ASNS: variants seen among roughly 807,000 people sequenced by gnomAD.
ASNS encodes the protein asparagine synthetase [glutamine-hydrolyzing].
ASNS carries 37 observed loss-of-function variants against 62.6 expected under a neutral mutation model. The observed-to-expected ratio is 0.59, with a 90% CI of 0.45 to 0.78. The LOEUF is 0.78. Among genes scored for constraint, ASNS ranks in the 30% least tolerant of loss-of-function variants. The pLI is 0.00. For missense variants in ASNS, 520 were observed against 682.4 expected (o/e 0.76, Z 2.65); for synonymous variants, 207 against 237.9 (o/e 0.87, Z 1.19).
At chr7:97,899,602 C>T in the ASNS span, among the ~76,000 whole-genome samples, 1 of 152,174 alleles carries the variant, frequency 6.6e-6, no homozygotes, top group Non-Finnish European at 1.5e-5. Flanking sequence ...TAGCTAACAC[C>T]CCCATCCTCC....
intron 1 of ASNS, chr7:97,870,313 A>G: frequency 2.0e-6 from 1 of 488,524 alleles, no homozygotes; most frequent in Non-Finnish European, 3.6e-6. Flanking sequence ...TTTAATTAAA[A>G]CATCTCTAAC....
intron 3 of ASNS, among the ~76,000 whole-genome samples, chr7:97,867,153 C>CA (rs1344666560): frequency 0.054 from 3 of 56 alleles, no homozygotes; most frequent in African/African-American, 0.19. Context: ...GACTTGGCTG[C>CA]AGGCCCTGAT....
At chr7:97,928,391 G>A in the ASNS span, 5 of 662,098 alleles carry the variant, frequency 7.6e-6, no homozygotes, top group Non-Finnish European at 9.6e-6. Context: ...CGGGCTCGGA[G>A]GGTCCGCGCG....
At chr7:97,922,887 G>A in the ASNS span, among the ~76,000 whole-genome samples, 15 of 152,074 alleles carry the variant, frequency 9.9e-5, no homozygotes, top group African/African-American at 3.4e-4. Flanking sequence ...TGTCTCCCAG[G>A]TTCAAATGAT....
the ASNS span, among the ~76,000 whole-genome samples, chr7:97,920,264 A>G: frequency 6.6e-6 from 1 of 152,108 alleles, no homozygotes; most frequent in Non-Finnish European, 1.5e-5. Context: ...TTGGCCTCTC[A>G]AAGTGCTGGG....
the ASNS span, among the ~76,000 whole-genome samples, chr7:97,918,666 G>T: frequency 5.9e-5 from 9 of 152,308 alleles, no homozygotes; most frequent in East Asian, 1.7e-3. Context: ...GAGGAAAAAG[G>T]TGTGGACAGG....
intron 3 of ASNS, among the ~76,000 whole-genome samples, chr7:97,866,538 A>C (rs1237140014): frequency 6.6e-6 from 1 of 152,248 alleles, no homozygotes; most frequent in East Asian, 1.9e-4. Context: ...TTAATGGCAA[A>C]CTATGAGGAT....
the ASNS span, among the ~76,000 whole-genome samples, chr7:97,927,071 CTTTTTTTTTTTTTT>C: frequency 5.4e-3 from 220 of 40,544 alleles, 3 homozygotes; most frequent in African/African-American, 0.015. Flanking sequence ...CCACACCTGG[CTTTTTTTTTTTTTT>C]TTTTTTTTTT....
chr7:97,881,836 G>A, the ASNS span, among the ~76,000 whole-genome samples: 1 of 152,122 alleles, frequency 6.6e-6, no homozygotes, highest in African/African-American at 2.4e-5. Context: ...CAGGGGTGGG[G>A]ATGAGGGATG....
In ASNS at chr7:97,859,418, C is replaced by A. The variant is rs1359199693; in HGVS notation, c.488-20G>T. 6.3e-7 allele frequency: 1 copy of A among 1,577,290 alleles called. No individual in the cohort carries two copies. On this transcript the variant is annotated intron_variant, in intron 4 of 12. Transcript: ENST00000394308. ...CAAGACCTAGAAATTCACAATGATACCTTTATTCAAATTAGGTAACCCTTC... is the reference window on the plus strand; with the variant it reads ...CAAGACCTAGAAATTCACAATGATAACTTTATTCAAATTAGGTAACCCTTC...
At chr7:97,925,101 C>T in the ASNS span, among the ~76,000 whole-genome samples, 1 of 152,168 alleles carries the variant, frequency 6.6e-6, no homozygotes, top group Admixed American at 6.5e-5. Context: ...CATGCCACTG[C>T]ACTCCAGCCT....
At chr7:97,903,771 A>C in the ASNS span, among the ~76,000 whole-genome samples, 1 of 152,248 alleles carries the variant, frequency 6.6e-6, no homozygotes, top group African/African-American at 2.4e-5. Flanking sequence ...AGAAAAATAT[A>C]ACTTAATTAT....
the ASNS span, among the ~76,000 whole-genome samples, chr7:97,917,204 A>G: frequency 8.0e-6 from 1 of 125,060 alleles, no homozygotes. Flanking sequence ...ATTGCATGGG[A>G]TATATTTGCA....
chr7:97,876,057 A>T (rs1309888490), upstream of ASNS, among the ~76,000 whole-genome samples: 1 of 152,114 alleles, frequency 6.6e-6, no homozygotes, highest in African/African-American at 2.4e-5. Context: ...GGGTTTCACC[A>T]TGTTGGCCTG....
the ASNS span, among the ~76,000 whole-genome samples, chr7:97,896,733 C>CAT: frequency 3.8e-5 from 1 of 26,262 alleles, no homozygotes; most frequent in South Asian, 1.7e-3. Flanking sequence ...CACACACACA[C>CAT]ACACACACAT....
intron 5 of ASNS, 23 bp downstream of exon 5, chr7:97,859,190 A>G (rs1791598520): frequency 1.3e-6 from 2 of 1,587,324 alleles, no homozygotes; most frequent in African/African-American, 2.7e-5. Context: ...AGGATGGGGA[A>G]TAGGTGGGTG....
the ASNS span, among the ~76,000 whole-genome samples, chr7:97,902,980 G>A: frequency 6.6e-6 from 1 of 152,098 alleles, no homozygotes; most frequent in African/African-American, 2.4e-5. Flanking sequence ...TCTACTTGGG[G>A]GGAGTTGTGT....
At chr7:97,890,676 G>T in the ASNS span, among the ~76,000 whole-genome samples, 1 of 152,142 alleles carries the variant, frequency 6.6e-6, no homozygotes, top group African/African-American at 2.4e-5. Context: ...GATCCCAGGA[G>T]TTCAAGGCTG....
At chr7:97,885,920 C>T in the ASNS span, 429 of 565,136 alleles carry the variant, frequency 7.6e-4, 3 homozygotes, top group Admixed American at 9.0e-3. Flanking sequence ...ATGATGGGCT[C>T]TCCTCCTCCT....
Sources: gnomAD v4.1 joint callset for allele counts (sites outside exome capture counted in the v4.1 genomes callset) on GRCh38, gnomAD v4.1.1 for gene constraint, MANE v1.5 for transcripts, NCBI Gene and HGNC (gene_info 2026-07-23, HGNC 2026-07-21) for gene names.